The following SHC4 variants were observed in gnomAD, a reference collection of about 807,000 sequenced individuals.
SHC4 encodes SHC-transforming protein 4.
SHC4 carries 41 observed loss-of-function variants against 69.4 expected under a neutral mutation model. The observed-to-expected ratio is 0.59, with a 90% CI of 0.46 to 0.77. The LOEUF is 0.77. SHC4 is among the 30% of genes least tolerant of loss of function. The pLI, the probability that SHC4 is intolerant of heterozygous loss-of-function variation, is 0.00. For missense variants in SHC4, 777 were observed against 783.8 expected (o/e 0.99, Z 0.10); for synonymous variants, 318 against 299.3 (o/e 1.06, Z -0.64).
intron 3 of SHC4, among the ~76,000 whole-genome samples, chr15:48,885,031 T>G (rs569104484): frequency 2.0e-5 from 3 of 152,302 alleles, no homozygotes; most frequent in Admixed American, 2.0e-4. Flanking sequence ...TACCAGAAAT[T>G]ACTAATAGAG....
At chr15:48,913,672 C>T (rs568340215) in intron 2 of SHC4, among the ~76,000 whole-genome samples, 1 of 152,312 alleles carries the variant, frequency 6.6e-6, no homozygotes, top group Admixed American at 6.5e-5. Context: ...TTCCTTCTCC[C>T]TGTGGAGTTT....
chr15:48,860,888 C>T (rs1899427106), intron 6 of SHC4, among the ~76,000 whole-genome samples: 1 of 152,186 alleles, frequency 6.6e-6, no homozygotes, highest in Admixed American at 6.5e-5. Context: ...TACAGAAACC[C>T]TATTCTTCCT....
At chr15:48,853,411 GC>G (rs1389332875) in intron 8 of SHC4, among the ~76,000 whole-genome samples, 1 of 152,166 alleles carries the variant, frequency 6.6e-6, no homozygotes, top group African/African-American at 2.4e-5. Flanking sequence ...ACTAGCCAAA[GC>G]AATCTACAGA....
At chr15:48,924,446 G>C (rs1900810392) in intron 2 of SHC4, among the ~76,000 whole-genome samples, 1 of 152,182 alleles carries the variant, frequency 6.6e-6, no homozygotes, top group Non-Finnish European at 1.5e-5. Flanking sequence ...GTACATAGAG[G>C]AGGGAGACCC....
intron 3 of SHC4, 109 bp downstream of exon 3, chr15:48,890,639 A>T: frequency 7.9e-7 from 1 of 1,272,036 alleles, no homozygotes; most frequent in Non-Finnish European, 1.1e-6. Flanking sequence ...CCACCTAATA[A>T]AGGCCAGGCT....
At chr15:48,890,097 G>C (rs549675285) in intron 3 of SHC4, among the ~76,000 whole-genome samples, 77 of 152,332 alleles carry the variant, frequency 5.1e-4, no homozygotes, top group African/African-American at 1.7e-3. Flanking sequence ...ACTCTATAAA[G>C]TAAGTGCTAT....
intron 1 of SHC4, among the ~76,000 whole-genome samples, chr15:48,940,353 C>T (rs759898054): frequency 2.0e-5 from 3 of 152,184 alleles, no homozygotes; most frequent in African/African-American, 4.8e-5. Flanking sequence ...AGCTCCTCAA[C>T]AAAATTAAAT....
At chr15:48,832,023 C>A (rs1250923603) in intron 11 of SHC4, among the ~76,000 whole-genome samples, 1 of 152,206 alleles carries the variant, frequency 6.6e-6, no homozygotes, top group African/African-American at 2.4e-5. Flanking sequence ...ATAATCCCAG[C>A]ACTTTGGGAG....
intron 2 of SHC4, among the ~76,000 whole-genome samples, chr15:48,911,322 C>T (rs1447859043): frequency 6.6e-6 from 1 of 151,988 alleles, no homozygotes; most frequent in Admixed American, 6.6e-5. Flanking sequence ...TATAATGTCC[C>T]TCATTGTCTC....
chr15:48,947,469 G>C (rs1159235518), intron 1 of SHC4: 1 of 152,166 alleles, frequency 6.6e-6, no homozygotes, highest in Non-Finnish European at 1.5e-5. Flanking sequence ...AGGAAAAAAA[G>C]TCTGAAAGAA....
In SHC4 at chr15:48,825,851, G is replaced by T; in HGVS notation, c.*120C>A. 2 of 1,239,224 alleles carry T rather than the reference G, an allele frequency of 1.6e-6. No homozygotes were observed. Among genetic ancestry groups the T allele is most frequent in the Non-Finnish European group, 1.1e-6 (1 of 896,144 alleles). 76.8% of individuals were successfully genotyped at this position (1,239,224 alleles called of 1,614,324 possible). On this transcript the variant is annotated 3_prime_UTR_variant, in exon 12 of 12. Coordinates refer to ENST00000332408, the MANE Select transcript of SHC4 (RefSeq NM_203349.4). ...AGAGGACCTGGTCCATGATGGTCTT[G>T]GAAAGATGCACTTCACAGTTTGTGC... is the stretch of plus-strand genomic sequence containing the variant.
rs1221576292 is a variant in SHC4 at position 48,963,785 on chromosome 15, G to C, written c.-770C>G. The stretch of plus-strand genomic sequence containing the variant: ...CTTCCCTCCCTCCTGGATTCCTCTC[G>C]GAGCTTTTTTCAGAAGCCCATTTGC... On this transcript the variant is annotated 5_prime_UTR_variant, in exon 1 of 12. Coordinates refer to ENST00000332408, the MANE Select transcript of SHC4 (RefSeq NM_203349.4). 6.6e-6 allele frequency among the ~76,000 whole-genome samples: 1 copy of C among 152,124 alleles called. No individual in the cohort carries two copies. The highest frequency in any genetic ancestry group is 1.5e-5 in the Non-Finnish European group (1 of 68,020).
At chr15:48,856,214 T>C (rs1189897132) in intron 7 of SHC4, 90 bp from the exon 8 acceptor site, 3 of 1,250,944 alleles carry the variant, frequency 2.4e-6, no homozygotes, top group South Asian at 1.5e-5. Context: ...CAAATCATCC[T>C]GAAAAACTTT....
intron 2 of SHC4, among the ~76,000 whole-genome samples, chr15:48,918,549 A>G (rs1900675473): frequency 6.6e-6 from 1 of 151,428 alleles, no homozygotes; most frequent in Non-Finnish European, 1.5e-5. Context: ...ATTAAACATT[A>G]CTATTGAATC....
intron 3 of SHC4, among the ~76,000 whole-genome samples, chr15:48,884,871 C>G (rs1034730256): frequency 6.6e-6 from 1 of 152,154 alleles, no homozygotes; most frequent in African/African-American, 2.4e-5. Flanking sequence ...CTAATTGTTA[C>G]CTTCAGATAA....
rs557822474 is a variant in SHC4 at position 48,855,839 on chromosome 15, T to C, written c.1242+114A>G. On this transcript the variant is annotated intron_variant, in intron 8 of 11. Transcript: ENST00000332408. ...AGTTATTCATTCTCTGGCTCTGTAT[T>C]TGAGGAAGACAGGACTTTCTCTAAA... 38 of 1,094,952 alleles carry C rather than the reference T, an allele frequency of 3.5e-5. No individual in the cohort carries two copies. The East Asian group carries it at 9.5e-4, about 27-fold the overall frequency. 67.8% of individuals were successfully genotyped at this position (1,094,952 alleles called of 1,614,324 possible).
At position 48,963,217 on chromosome 15, in the gene SHC4, T is replaced by C. The variant is rs1004944904; in HGVS notation, c.-202A>G. On this transcript the variant is annotated 5_prime_UTR_variant, in exon 1 of 12. Transcript: ENST00000332408. The stretch of plus-strand genomic sequence containing the variant: ...GGGGGAAACGCCTCCCCTGCTCTGA[T>C]TTCAGTCTCTCCCTGGCCCAGGCAG... 3 of 566,740 alleles carry C rather than the reference T, an allele frequency of 5.3e-6. No individual in the cohort carries two copies. The highest frequency in any genetic ancestry group is 3.0e-5 in the East Asian group (1 of 33,680). The allele number at this position is 566,740 out of a possible 1,614,324, so 35.1% of individuals were successfully genotyped here.
At chr15:48,890,176 A>C (rs1158708798) in intron 3 of SHC4, among the ~76,000 whole-genome samples, 1 of 152,096 alleles carries the variant, frequency 6.6e-6, no homozygotes, top group African/African-American at 2.4e-5. Context: ...AGAGTACACC[A>C]TTTGTAGGTG....
intron 3 of SHC4, among the ~76,000 whole-genome samples, chr15:48,890,396 T>G (rs1006143153): frequency 6.6e-6 from 1 of 152,174 alleles, no homozygotes; most frequent in African/African-American, 2.4e-5. Context: ...GGCACTAAAC[T>G]GGCCATTTAG....
Sources: allele counts gnomAD v4.1 joint callset (sites outside exome capture counted in the v4.1 genomes callset), GRCh38; gene constraint gnomAD v4.1.1; transcripts MANE v1.5; gene names NCBI Gene and HGNC (gene_info 2026-07-23, HGNC 2026-07-21).